Variants in APCDD1L observed in about 807,000 individuals in gnomAD.
The protein encoded by APCDD1L is APC down-regulated 1 like.
Under a neutral mutation model 24.2 loss-of-function variants are expected in APCDD1L, and 21 were observed. The observed-to-expected ratio is 0.87, with a 90% CI of 0.61 to 1.25. The LOEUF (loss-of-function observed/expected upper bound fraction) is 1.25, where lower values mean the gene tolerates loss of function less well. Among genes scored for constraint, APCDD1L ranks in the 50% most tolerant of loss-of-function variants. The pLI, the probability that APCDD1L is intolerant of heterozygous loss-of-function variation, is 0.00. For synonymous variants in APCDD1L, 321 were observed against 323.6 expected (o/e 0.99, Z 0.09); for missense variants, 704 against 711.7 (o/e 0.99, Z 0.12).
chr20:58,515,108 A>T lies in APCDD1L; in HGVS notation c.-401T>A, dbSNP rs925460169. On this transcript the variant is annotated 5_prime_UTR_variant, in exon 1 of 4. Coordinates refer to ENST00000371149, the MANE Select transcript of APCDD1L (RefSeq NM_153360.3). ...CCTCCCCCAAGCTCTGGTCCCGGCCAAGGCAGAGCGATGCGCTCCTTGCGT... is the reference window on the plus strand; with the variant it reads ...CCTCCCCCAAGCTCTGGTCCCGGCCTAGGCAGAGCGATGCGCTCCTTGCGT... 1.1e-5 allele frequency: 2 copies of T among 188,790 alleles called. No individual in the cohort carries two copies. Among genetic ancestry groups the T allele is most frequent in the African/African-American group, 4.7e-5 (2 of 42,802 alleles). 11.7% of individuals were successfully genotyped at this position (188,790 alleles called of 1,614,324 possible).
At chr20:58,478,656 C>G (rs550262604) in intron 1 of APCDD1L, among the ~76,000 whole-genome samples, 1 of 152,076 alleles carries the variant, frequency 6.6e-6, no homozygotes, top group Non-Finnish European at 1.5e-5. Flanking sequence ...GACTACTTTT[C>G]GCTGAATGAA....
intron 1 of APCDD1L, among the ~76,000 whole-genome samples, chr20:58,476,731 C>G (rs578228116): frequency 6.6e-6 from 1 of 152,306 alleles, no homozygotes; most frequent in South Asian, 2.1e-4. Context: ...TGTGTAGCCT[C>G]GAAGCCCTTT....
intron 3 of APCDD1L, among the ~76,000 whole-genome samples, chr20:58,464,856 C>CTTTTT (rs11415092): frequency 6.8e-6 from 1 of 146,484 alleles, no homozygotes; most frequent in African/African-American, 2.5e-5. Context: ...TTCTTTCTTT[C>CTTTTT]TTTTTTTTTT....
At chr20:58,478,361 C>CTCCTTCCTTCCTTCCCTCCT (rs1555821839) in intron 1 of APCDD1L, among the ~76,000 whole-genome samples, 1 of 148,860 alleles carries the variant, frequency 6.7e-6, no homozygotes, top group African/African-American at 2.5e-5. Flanking sequence ...TTTTTCTTTT[C>CTCCTTCCTTCCTTCCCTCCT]TCCTTCCTTC....
Position 58,515,131 on chromosome 20 carries a change from C to A in APCDD1L, c.-424G>T, listed in dbSNP as rs772838191. The A allele has an allele frequency of 5.0e-5, 9 of 179,862 alleles. No individual in the cohort carries two copies. The highest frequency in any genetic ancestry group is 1.0e-4 in the Non-Finnish European group (9 of 87,058). The allele number at this position is 179,862 out of a possible 1,614,324, so 11.1% of individuals were successfully genotyped here. A position where few individuals can be genotyped will look rare whatever the true frequency, so the allele number is the denominator to read the frequency against. ...CCAAGGCAGAGCGATGCGCTCCTTG[C>A]GTCAAAGCGCACCCCTAGCCAGGCC... On this transcript the variant is annotated 5_prime_UTR_variant, in exon 1 of 4. Coordinates refer to ENST00000371149, the MANE Select transcript of APCDD1L (RefSeq NM_153360.3).
chr20:58,492,415 G>A (rs1990239263), intron 1 of APCDD1L, among the ~76,000 whole-genome samples: 1 of 152,154 alleles, frequency 6.6e-6, no homozygotes, highest in African/African-American at 2.4e-5. Context: ...AAATGAGAGT[G>A]GTAAATAAAG....
chr20:58,509,173 C>T (rs1382633236), intron 1 of APCDD1L, among the ~76,000 whole-genome samples: 1 of 152,046 alleles, frequency 6.6e-6, no homozygotes, highest in Non-Finnish European at 1.5e-5. Flanking sequence ...GTCGTGCTGC[C>T]TATGTGGAGG....
intron 1 of APCDD1L, among the ~76,000 whole-genome samples, chr20:58,484,796 G>A (rs1568743529): frequency 6.6e-6 from 1 of 152,174 alleles, no homozygotes; most frequent in African/African-American, 2.4e-5. Flanking sequence ...GTGGCTTGCA[G>A]TGGAATTTTC....
At chr20:58,487,175 T>A (rs1600862570) in intron 1 of APCDD1L, among the ~76,000 whole-genome samples, 1 of 152,032 alleles carries the variant, frequency 6.6e-6, no homozygotes, top group Non-Finnish European at 1.5e-5. Flanking sequence ...TTTGTGGGGT[T>A]AAGAAAAGAG....
At chr20:58,506,876 G>A (rs928521912) in intron 1 of APCDD1L, among the ~76,000 whole-genome samples, 1 of 152,194 alleles carries the variant, frequency 6.6e-6, no homozygotes, top group Non-Finnish European at 1.5e-5. Context: ...GGGCAGGGAG[G>A]TATTTGCATG....
rs1032482023 is a variant in APCDD1L at position 58,493,482 on chromosome 20, C to G, written c.49+21177G>C. 2.0e-5 allele frequency among the ~76,000 whole-genome samples: 3 copies of G among 152,212 alleles called. No homozygotes were observed. The South Asian group carries it at 6.2e-4, about 32-fold the overall frequency. ...GGTAGATAGAAGAAGAGAAAAATAA[C>G]TTGCAGCTTCCTCACACATTGGAAT... On this transcript the variant is annotated intron_variant, in intron 1 of 3. Coordinates refer to ENST00000371149, the MANE Select transcript of APCDD1L (RefSeq NM_153360.3).
chr20:58,475,306 G>A (rs1242379849), intron 1 of APCDD1L, among the ~76,000 whole-genome samples: 1 of 152,180 alleles, frequency 6.6e-6, no homozygotes, highest in Non-Finnish European at 1.5e-5. Flanking sequence ...CGAACACAGG[G>A]TGGGGTGCGA....
intron 1 of APCDD1L, among the ~76,000 whole-genome samples, chr20:58,471,636 G>T (rs970791622): frequency 1.3e-5 from 2 of 152,238 alleles, no homozygotes; most frequent in African/African-American, 2.4e-5. Flanking sequence ...GCTGAGAGGC[G>T]AGAGTGCCAA....
intron 1 of APCDD1L, among the ~76,000 whole-genome samples, chr20:58,472,955 C>G (rs991778051): frequency 6.6e-6 from 1 of 152,230 alleles, no homozygotes; most frequent in African/African-American, 2.4e-5. Flanking sequence ...CTTCTGCAAT[C>G]TGCTTCTTCA....
chr20:58,483,499 G>A (rs113448393), intron 1 of APCDD1L, among the ~76,000 whole-genome samples: 121 of 152,290 alleles, frequency 7.9e-4, no homozygotes, highest in Non-Finnish European at 1.3e-3. Context: ...TAACTGACAC[G>A]TCAATCCTGG....
At chr20:58,506,379 G>C (rs1488048476) in intron 1 of APCDD1L, among the ~76,000 whole-genome samples, 3 of 152,202 alleles carry the variant, frequency 2.0e-5, no homozygotes, top group African/African-American at 7.2e-5. Context: ...AATGTAGCAG[G>C]TCCAAAGGCT....
At position 58,467,351 on chromosome 20, in the gene APCDD1L, G is replaced by T. The variant is rs750675165; in HGVS notation, c.496C>A (p.Arg166=). ...TACAGCGCCCCAGGCAGCCAGGCCC[G>T]GGCCGGAGGCAGCCGCCGCGCGCAG... is the stretch of plus-strand genomic sequence containing the variant. ...RDCARRLPPA[R]AWLPGALYEL... is the part of the protein sequence containing the mutation. The change falls in exon 3 of 4, where the codon CGG becomes AGG. Residue 166 remains arginine, a synonymous_variant. Coordinates refer to ENST00000371149, the MANE Select transcript of APCDD1L (RefSeq NM_153360.3). This position sits in a 1 kb window ranked among gnomAD's most constrained non-coding sequence, Gnocchi z 5.9. 6.8e-7 allele frequency: 1 copy of T among 1,477,602 alleles called. No homozygotes were observed. 91.5% of individuals were successfully genotyped at this position (1,477,602 alleles called of 1,614,324 possible).
intron 1 of APCDD1L, among the ~76,000 whole-genome samples, chr20:58,480,292 G>A (rs1184008618): frequency 1.3e-5 from 2 of 152,186 alleles, no homozygotes; most frequent in Non-Finnish European, 2.9e-5. Context: ...TGCACTCAGA[G>A]AGTTGAAGGC....
intron 3 of APCDD1L, among the ~76,000 whole-genome samples, chr20:58,463,203 G>A (rs916197701): frequency 7.0e-4 from 106 of 151,568 alleles, no homozygotes; most frequent in African/African-American, 2.0e-3. Context: ...AAGTCTGCGC[G>A]AAGGAGATAG....
Sources: allele counts gnomAD v4.1 joint callset (sites outside exome capture counted in the v4.1 genomes callset), GRCh38; gene constraint gnomAD v4.1.1; non-coding constraint Gnocchi (gnomAD v3.1); transcripts MANE v1.5; gene names NCBI Gene and HGNC (gene_info 2026-07-23, HGNC 2026-07-21).